The following EHMT1 variants were observed in gnomAD, a reference collection of about 807,000 sequenced individuals.
EHMT1 encodes histone-lysine N-methyltransferase EHMT1.
EHMT1 carries 15 observed loss-of-function variants against 147.2 expected under a neutral mutation model. The ratio of observed to expected loss-of-function variants is 0.10; its 90% CI spans 0.07 to 0.16. EHMT1 has a LOEUF of 0.16. Among genes scored for constraint, EHMT1 ranks in the 10% least tolerant of loss-of-function variants. The pLI is 1.00. For missense variants in EHMT1, 1,587 were observed against 1,772.4 expected (o/e 0.90, Z 1.88); for synonymous variants, 795 against 709.6 (o/e 1.12, Z -1.91).
chr9:137,643,959 G>T (rs966055493), intron 1 of EHMT1, among the ~76,000 whole-genome samples: 1 of 152,168 alleles, frequency 6.6e-6, no homozygotes, highest in East Asian at 1.9e-4. Flanking sequence ...CCTGTCTGAC[G>T]TGTCATTGCG....
At chr9:137,685,338 A>T (rs1942335716) in intron 1 of EHMT1, 1 of 152,198 alleles carries the variant, frequency 6.6e-6, no homozygotes, top group African/African-American at 2.4e-5. Context: ...TATTTCATGT[A>T]AGTGGAATTA....
chr9:137,741,117 C>A (rs760630655), intron 4 of EHMT1, among the ~76,000 whole-genome samples: 1 of 152,132 alleles, frequency 6.6e-6, no homozygotes, highest in Non-Finnish European at 1.5e-5. Context: ...GCTGGGACTA[C>A]AGGCGCCCGC....
rs750654971 is a variant in EHMT1 at position 137,716,637 on chromosome 9, G to T, written c.97G>T (p.Ala33Ser). The change falls in exon 3 of 27, where the codon GCT becomes TCT. Residue 33 changes from alanine (A) to serine (S), a missense_variant. By Grantham distance (99) the Ala-to-Ser change is moderately conservative. Around this residue, in one of 7 missense-constraint regions of EHMT1, gnomAD observed 810 missense variants for 673.0 expected, o/e 1.20. Coordinates refer to ENST00000460843, the MANE Select transcript of EHMT1 (RefSeq NM_024757.5). ...TTCTTTGTTGGCAGAGACACCTATG[G>T]CTGCCGATGAAGGCTCAGCAGAGAA... is the stretch of plus-strand genomic sequence containing the variant. Reference protein sequence around the residue: ...TELLGEETPMAADEGSAEKQA... With the variant: ...TELLGEETPMSADEGSAEKQA... 12 of 1,569,256 alleles carry T rather than the reference G, an allele frequency of 7.6e-6. No homozygotes were observed. In the Admixed American group the frequency reaches 2.0e-4, roughly 26 times the overall value.
At chr9:137,632,719 G>A (rs751214348) in intron 1 of EHMT1, among the ~76,000 whole-genome samples, 43 of 152,036 alleles carry the variant, frequency 2.8e-4, no homozygotes, top group Non-Finnish European at 3.5e-4. Flanking sequence ...CACTTTTTAG[G>A]GATTACAGGC....
chr9:137,619,177 C>T (rs1484755342), intron 1 of EHMT1, 128 bp downstream of exon 1: 6 of 150,646 alleles, frequency 4.0e-5, no homozygotes, highest in African/African-American at 1.0e-4. Context: ...GGTCCCCCCG[C>T]CGCCGCCGCC....
In EHMT1 at chr9:137,657,795, C is replaced by T. The variant is rs527238276; in HGVS notation, c.21+38746C>T. Among the ~76,000 whole-genome samples, 38 of 152,018 alleles carry T rather than the reference C, an allele frequency of 2.5e-4. No homozygotes were observed. In the South Asian group the frequency reaches 6.7e-3, roughly 27 times the overall value. On this transcript the variant is annotated intron_variant, in intron 1 of 26. Transcript: ENST00000460843. Reference sequence around the variant, plus strand: ...TTTGTGCCCATGAACCATTTCTACCCCCACTCCCCACCTCCACTCCACTGC... The same window carrying T: ...TTTGTGCCCATGAACCATTTCTACCTCCACTCCCCACCTCCACTCCACTGC...
At chr9:137,634,588 T>C (rs1042317407) in intron 1 of EHMT1, among the ~76,000 whole-genome samples, 2 of 152,100 alleles carry the variant, frequency 1.3e-5, no homozygotes, top group Non-Finnish European at 1.5e-5. Context: ...TTTTTCATGA[T>C]TGGGTCCCTT....
rs1223920259 is a variant in EHMT1, at chr9:137,744,029, T to G, written c.1109T>G (p.Phe370Cys). 5 of 1,613,966 alleles carry G rather than the reference T, an allele frequency of 3.1e-6. No homozygotes were observed. The highest frequency in any genetic ancestry group is 4.2e-6 in the Non-Finnish European group (5 of 1,180,026). ...CATGGTGCAGAGCAGGCGGCCGCGT[T>G]CCCCACAGAGGACAGCAGGACTTCC... Reference protein sequence around the residue: ...DGHGAEQAAAFPTEDSRTSKE... With the variant: ...DGHGAEQAAACPTEDSRTSKE... Residue 370 changes from phenylalanine to cysteine, a missense_variant, in exon 6 of 27, where the codon TTC becomes TGC. By Grantham distance (205) the Phe-to-Cys change is radical. Around this residue, in one of 7 missense-constraint regions of EHMT1, gnomAD observed 810 missense variants for 673.0 expected, o/e 1.20. Coordinates refer to ENST00000460843, the MANE Select transcript of EHMT1 (RefSeq NM_024757.5).
rs111928913 is a variant in EHMT1, at chr9:137,807,665, G to A, written c.2713-3796G>A. The stretch of plus-strand genomic sequence containing the variant: ...TGGAATTACAGGCGCGCACGACCAC[G>A]CCTGGCTAAGTTTTGTATTTTTAGT... On this transcript the variant is annotated intron_variant, in intron 18 of 26. Coordinates refer to ENST00000460843, the MANE Select transcript of EHMT1 (RefSeq NM_024757.5). Among the ~76,000 whole-genome samples, 1,365 of 152,038 alleles carry A rather than the reference G, an allele frequency of 9.0e-3. 20 individuals are homozygous for A. The highest frequency in any genetic ancestry group is 0.031 in the African/African-American group (1,284 of 41,454).
intron 1 of EHMT1, among the ~76,000 whole-genome samples, chr9:137,647,594 CT>C (rs1365222941): frequency 7.5e-4 from 97 of 129,600 alleles, no homozygotes; most frequent in South Asian, 1.2e-3. Flanking sequence ...CTGCTCTTGC[CT>C]TTTTTTTTTT....
chr9:137,625,227 G>A (rs1843180495), intron 1 of EHMT1, among the ~76,000 whole-genome samples: 1 of 152,136 alleles, frequency 6.6e-6, no homozygotes, highest in Admixed American at 6.5e-5. Flanking sequence ...TTCCCTTGCC[G>A]AACCTTTAGG....
At position 137,774,338 on chromosome 9, in the gene EHMT1, C is replaced by T. The variant is rs186002573; in HGVS notation, c.1648-771C>T. Among the ~76,000 whole-genome samples, 479 of 152,258 alleles carry T rather than the reference C, an allele frequency of 3.1e-3. 3 individuals are homozygous for T. Among genetic ancestry groups the T allele is most frequent in the African/African-American group, 0.011 (444 of 41,528 alleles). On this transcript the variant is annotated intron_variant, in intron 10 of 26. Transcript: ENST00000460843. ...CCACTGGATCTGGTGGATGTGGTCG[C>T]GTCTGGCCCCCTGGATCTGGTGGGT...
At position 137,775,880 on chromosome 9, in the gene EHMT1, A is replaced by G. The variant is rs918758875; in HGVS notation, c.1791+628A>G. On this transcript the variant is annotated intron_variant, in intron 11 of 26. Coordinates refer to ENST00000460843, the MANE Select transcript of EHMT1 (RefSeq NM_024757.5). The surrounding 1 kb of genome is among the most constrained non-coding windows in gnomAD (Gnocchi z 6.1). ...CCTGTGTGGGCATCCTCGTGCATGT[A>G]GGGTGTGTGTGTGTGTGTGTCTGTG... 2.1e-5 allele frequency among the ~76,000 whole-genome samples: 3 copies of G among 143,838 alleles called. No individual in the cohort carries two copies. The highest frequency in any genetic ancestry group is 5.6e-5 in the African/African-American group (2 of 35,584). The allele number at this position is 143,838 out of a possible 152,430, so 94.4% of individuals were successfully genotyped here. A position where few individuals can be genotyped will look rare whatever the true frequency, so the allele number is the denominator to read the frequency against.
intron 1 of EHMT1, among the ~76,000 whole-genome samples, chr9:137,655,495 A>G (rs1401883961): frequency 6.6e-6 from 1 of 152,236 alleles, no homozygotes; most frequent in Non-Finnish European, 1.5e-5. Flanking sequence ...GGTGTCACTC[A>G]GTGCTGTTGA....
chr9:137,631,783 G>A (rs1843647543), intron 1 of EHMT1, among the ~76,000 whole-genome samples: 1 of 152,154 alleles, frequency 6.6e-6, no homozygotes, highest in Admixed American at 6.5e-5. Flanking sequence ...GGAGGCTGAG[G>A]TGGGGAGAGT....
intron 1 of EHMT1, among the ~76,000 whole-genome samples, chr9:137,653,260 AC>A (rs927521545): frequency 6.6e-6 from 1 of 152,098 alleles, no homozygotes; most frequent in Non-Finnish European, 1.5e-5. Context: ...GCAAATACTT[AC>A]CATTATATTC....
chr9:137,636,761 T>C (rs1369470993), intron 1 of EHMT1, among the ~76,000 whole-genome samples: 1 of 152,212 alleles, frequency 6.6e-6, no homozygotes, highest in African/African-American at 2.4e-5. Context: ...CTAATCCTTT[T>C]TAAATCTTGT....
intron 1 of EHMT1, among the ~76,000 whole-genome samples, chr9:137,675,415 G>T (rs1421195178): frequency 6.6e-6 from 1 of 152,096 alleles, no homozygotes; most frequent in Non-Finnish European, 1.5e-5. Context: ...AGGGGGGTTG[G>T]TGTGAGGGAG....
At position 137,732,927 on chromosome 9, in the gene EHMT1, G is replaced by C. The variant is rs1564657439; in HGVS notation, c.823+4398G>C. Among the ~76,000 whole-genome samples, 1 of 152,128 alleles carries C rather than the reference G, an allele frequency of 6.6e-6. No homozygotes were observed. The highest frequency in any genetic ancestry group is 1.5e-5 in the Non-Finnish European group (1 of 68,028). On this transcript the variant is annotated intron_variant, in intron 4 of 26. Transcript: ENST00000460843. This position sits in a 1 kb window ranked among gnomAD's most constrained non-coding sequence, Gnocchi z 4.6. ...TGTGGCGATGATCACAGATGGTTCT[G>C]CTCTTTCCCTCCTGCTACCCCCTTA...
Sources: allele counts gnomAD v4.1 joint callset (sites outside exome capture counted in the v4.1 genomes callset), GRCh38; gene constraint gnomAD v4.1.1; regional missense constraint gnomAD v4.1.1; non-coding constraint Gnocchi (gnomAD v3.1); transcripts MANE v1.5; gene names NCBI Gene and HGNC (gene_info 2026-07-23, HGNC 2026-07-21).